Variants in DOCK8 observed in about 807,000 individuals in gnomAD.
The protein encoded by DOCK8 is dedicator of cytokinesis protein 8.
DOCK8 carries 141 observed loss-of-function variants against 245.6 expected under a neutral mutation model. The observed-to-expected ratio is 0.57, with a 90% CI of 0.50 to 0.66. DOCK8 has a LOEUF of 0.66. DOCK8 is among the 30% of genes least tolerant of loss of function. DOCK8 has a pLI of 0.00. For synonymous variants in DOCK8, 1,168 were observed against 970.2 expected (o/e 1.20, Z -3.79); for missense variants, 2,965 against 2,603.4 (o/e 1.14, Z -3.02).
At chr9:373,917 C>A (rs920598009) in intron 18 of DOCK8, among the ~76,000 whole-genome samples, 1 of 152,150 alleles carries the variant, frequency 6.6e-6, no homozygotes, top group Non-Finnish European at 1.5e-5. Flanking sequence ...TTCTTAGAAC[C>A]CCCTATTATC....
At chr9:286,414 C>T (rs1282592305) in intron 2 of DOCK8, 47 bp from the exon 3 acceptor site, 1 of 1,603,166 alleles carries the variant, frequency 6.2e-7, no homozygotes, top group African/African-American at 1.3e-5. Flanking sequence ...GTGCTTTTAC[C>T]AGAAAACTGG....
intron 14 of DOCK8, among the ~76,000 whole-genome samples, chr9:355,465 G>C (rs1381456418): frequency 6.6e-6 from 1 of 151,752 alleles, no homozygotes. Context: ...GCCTCCCAAA[G>C]TGCTGGGATT....
chr9:394,729 T>C (rs1302910801), intron 24 of DOCK8, among the ~76,000 whole-genome samples: 1 of 152,202 alleles, frequency 6.6e-6, no homozygotes, highest in Non-Finnish European at 1.5e-5. Context: ...GAGGTACCCT[T>C]ACTTTAAATG....
chr9:421,990 G>A (rs559230623), intron 32 of DOCK8, 58 bp from the exon 33 acceptor site: 2 of 1,439,958 alleles, frequency 1.4e-6, no homozygotes, highest in African/African-American at 2.8e-5. Context: ...TGAACTTCTG[G>A]TTATCTTGGA....
At chr9:387,918 A>AT (rs1045211991) in intron 23 of DOCK8, among the ~76,000 whole-genome samples, 13 of 152,172 alleles carry the variant, frequency 8.5e-5, no homozygotes, top group African/African-American at 2.7e-4. Flanking sequence ...GAATAGAGAC[A>AT]TTTTATTTCA....
chr9:364,629 G>A (rs1322091151), intron 14 of DOCK8, among the ~76,000 whole-genome samples: 1 of 125,266 alleles, frequency 8.0e-6, no homozygotes. Flanking sequence ...GTGAGATCCT[G>A]TCTCAAAAAT....
chr9:398,470 C>G (rs994774850), intron 25 of DOCK8, among the ~76,000 whole-genome samples: 23 of 152,304 alleles, frequency 1.5e-4, no homozygotes, highest in Middle Eastern at 3.4e-3. Context: ...AGGACATAAA[C>G]ATGAAAAACT....
chr9:429,944 C>T (rs2056648328), intron 36 of DOCK8, 90 bp downstream of exon 36: 2 of 1,481,100 alleles, frequency 1.4e-6, no homozygotes, highest in Admixed American at 3.9e-5. Context: ...GGAAATTTTG[C>T]AGTATTGCAG....
At chr9:311,618 C>G (rs1045041852) in intron 5 of DOCK8, among the ~76,000 whole-genome samples, 2 of 152,114 alleles carry the variant, frequency 1.3e-5, no homozygotes, top group Non-Finnish European at 2.9e-5. Flanking sequence ...GAGCATGGTT[C>G]ATTAAGAGGC....
intron 1 of DOCK8, among the ~76,000 whole-genome samples, chr9:253,295 C>T (rs1184594356): frequency 2.6e-5 from 4 of 152,182 alleles, no homozygotes; most frequent in Non-Finnish European, 5.9e-5. Flanking sequence ...CTAAACACTT[C>T]CTATGTGCTT....
Position 377,172 on chromosome 9 carries a change from C to A in DOCK8, c.2401C>A (p.Gln801Lys), listed in dbSNP as rs751368934. Residue 801 changes from glutamine (Q) to lysine (K), a missense_variant, in exon 20 of 48, where the codon CAG (glutamine) becomes AAG (lysine). Gln to Lys is a moderately conservative substitution (Grantham distance 53). Coordinates refer to ENST00000432829, the MANE Select transcript of DOCK8 (RefSeq NM_203447.4). ...GCACCTGGTGCTGGACAAGCTCTTC[C>A]AGCTGTCCGTGCAGCCCATGGTCAT... ...FLHLVLDKLFQLSVQPMVIAG... is the reference protein window; with the variant it reads ...FLHLVLDKLFKLSVQPMVIAG... The A allele has an allele frequency of 2.5e-6, 4 of 1,603,158 alleles. No individual in the cohort carries two copies. The African/African-American group carries it at 5.3e-5, about 21-fold the overall frequency.
intron 1 of DOCK8, among the ~76,000 whole-genome samples, chr9:260,282 C>G (rs913332936): frequency 6.6e-6 from 1 of 152,166 alleles, no homozygotes; most frequent in Non-Finnish European, 1.5e-5. Context: ...TTGAGTCTTA[C>G]AGTTACCCTG....
chr9:312,339 T>C, intron 6 of DOCK8, 173 bp downstream of exon 6: 1 of 754,668 alleles, frequency 1.3e-6, no homozygotes, highest in Non-Finnish European at 2.3e-6. Context: ...AGCAGAGCCA[T>C]TATTGATTAT....
chr9:250,521 A>T (rs1447068278), intron 1 of DOCK8, among the ~76,000 whole-genome samples: 2 of 152,142 alleles, frequency 1.3e-5, no homozygotes, highest in Admixed American at 6.5e-5. Flanking sequence ...GTTTTTCCTT[A>T]TTGGGATTCC....
chr9:424,461 A>G (rs4741885), intron 33 of DOCK8, among the ~76,000 whole-genome samples: 102,066 of 151,762 alleles, frequency 0.67, 35,034 homozygotes, highest in East Asian at 0.96. Context: ...CCAGGCTGGA[A>G]TACAGTGGCA....
intron 1 of DOCK8, among the ~76,000 whole-genome samples, chr9:247,982 T>TAAAAAAAAA (rs61282524): frequency 6.9e-6 from 1 of 145,078 alleles, no homozygotes; most frequent in Non-Finnish European, 1.5e-5. Context: ...TTCTCTAAGT[T>TAAAAAAAAA]AAAAAAAAAA....
Position 386,384 on chromosome 9 carries a change from T to C in DOCK8, c.2832T>C (p.Asp944=). ...RMSYYCSGSS[D]APSSPAAPRP... is the part of the protein sequence containing the mutation. The stretch of plus-strand genomic sequence containing the variant: ...CTTACTATTGCTCTGGCAGTAGTGA[T>C]GCTCCAAGTTCACCTGCAGCCCCAA... The change falls in exon 23 of 48, where the codon GAT becomes GAC. Residue 944 remains aspartate (D), a synonymous_variant. Transcript: ENST00000432829. 1 of 1,614,000 alleles carries C rather than the reference T, an allele frequency of 6.2e-7. No homozygotes were observed. Among genetic ancestry groups the C allele is most frequent in the South Asian group, 1.1e-5 (1 of 91,064 alleles).
chr9:372,703 T>A (rs1267797366), intron 18 of DOCK8, among the ~76,000 whole-genome samples: 1 of 152,200 alleles, frequency 6.6e-6, no homozygotes, highest in Non-Finnish European at 1.5e-5. Flanking sequence ...TTTATTCTCC[T>A]ACCAATCCCA....
chr9:462,349 C>G (rs1353747051), intron 46 of DOCK8, among the ~76,000 whole-genome samples: 1 of 152,200 alleles, frequency 6.6e-6, no homozygotes, highest in Non-Finnish European at 1.5e-5. Flanking sequence ...TGGTGCAAGC[C>G]TAGAATTTCC....
Sources: gnomAD v4.1 joint callset for allele counts (sites outside exome capture counted in the v4.1 genomes callset) on GRCh38, gnomAD v4.1.1 for gene constraint, MANE v1.5 for transcripts, NCBI Gene and HGNC (gene_info 2026-07-23, HGNC 2026-07-21) for gene names.